Variants in CDH23 observed in about 807,000 individuals in gnomAD.
CDH23 encodes cadherin related 23.
CDH23 carries 189 observed loss-of-function variants against 317.1 expected under a neutral mutation model. That is an observed-to-expected ratio of 0.60 (90% confidence interval 0.53 to 0.67). The LOEUF is 0.67. Ranked by LOEUF, CDH23 falls within the 30% of genes least tolerant of loss-of-function variation. The pLI is 0.00. For synonymous variants in CDH23, 1,839 were observed against 1,876.8 expected (o/e 0.98, Z 0.52); for missense variants, 4,401 against 4,592.4 (o/e 0.96, Z 1.20).
rs547326048 is a variant in CDH23 at position 71,410,111 on chromosome 10, C to T, written c.-6+12793C>T. Reference sequence around the variant, plus strand: ...CTCATCTGTGTCTTGTTTTCTCTTCCGCAAAATGAGAATAATAGTACCCAA... The same window carrying T: ...CTCATCTGTGTCTTGTTTTCTCTTCTGCAAAATGAGAATAATAGTACCCAA... On this transcript the variant is annotated intron_variant, in intron 1 of 69. Transcript: ENST00000224721. 2.3e-4 allele frequency among the ~76,000 whole-genome samples: 35 copies of T among 152,224 alleles called. No individual in the cohort carries two copies. In the Middle Eastern group the frequency reaches 0.024, roughly 104 times the overall value.
At chr10:71,488,488 A>G (rs1852474797) in intron 3 of CDH23, among the ~76,000 whole-genome samples, 1 of 152,180 alleles carries the variant, frequency 6.6e-6, no homozygotes, top group Non-Finnish European at 1.5e-5. Context: ...CTGACTTGTC[A>G]ATCATTTCAT....
rs541520945 is a variant in CDH23, at chr10:71,745,411, G to C, written c.4845+3490G>C. On this transcript the variant is annotated intron_variant, in intron 38 of 69. Coordinates refer to ENST00000224721, the MANE Select transcript of CDH23 (RefSeq NM_022124.6). ...CCACAGGTGGTTTAGGCCCGGGGCT[G>C]CTTCCAAGGCCAAGGGCAGGACTCT... 2.0e-4 allele frequency among the ~76,000 whole-genome samples: 31 copies of C among 152,358 alleles called. No homozygotes were observed. The South Asian group carries it at 6.4e-3, about 32-fold the overall frequency.
intron 8 of CDH23, among the ~76,000 whole-genome samples, chr10:71,575,775 A>G (rs1858148011): frequency 6.6e-6 from 1 of 152,230 alleles, no homozygotes; most frequent in Non-Finnish European, 1.5e-5. Flanking sequence ...AAGTTTCAGT[A>G]TATTGAAAAT....
In CDH23 at chr10:71,510,109, A is replaced by G. The variant is rs61732490; in HGVS notation, c.173A>G (p.Gln58Arg). Residue 58 changes from glutamine to arginine, a missense_variant, in exon 4 of 70, where the codon CAA becomes CGA. This residue lies in a region of CDH23 where 3,068 missense variants were observed against 3,203.3 expected (regional missense o/e 0.96). Coordinates refer to ENST00000224721, the MANE Select transcript of CDH23 (RefSeq NM_022124.6). Reference sequence around the variant, plus strand: ...TCTTCTGTGACCCAGTTGCTGGCCCAAGACATGGACAATGACCCCCTGGTG... The same window carrying G: ...TCTTCTGTGACCCAGTTGCTGGCCCGAGACATGGACAATGACCCCCTGGTG... Reference protein sequence around the residue: ...VGSSVTQLLAQDMDNDPLVFG... With the variant: ...VGSSVTQLLARDMDNDPLVFG... 3.2e-3 allele frequency: 5,155 copies of G among 1,613,970 alleles called. 82 individuals carry two copies. The African/African-American group carries it at 0.042, about 13-fold the overall frequency.
Position 71,812,261 on chromosome 10 carries a change from A to G in CDH23, c.9381-219A>G, listed in dbSNP as rs762495184. ...ACTTTGGGCAGTGGGTGCAGGGTGA[A>G]GCCTCTGCACCAAAGGCAATCCAGA... On this transcript the variant is annotated intron_variant, in intron 66 of 69. Coordinates refer to ENST00000224721, the MANE Select transcript of CDH23 (RefSeq NM_022124.6). 1.3e-5 allele frequency: 20 copies of G among 1,599,162 alleles called. No homozygotes were observed. The East Asian group carries it at 4.2e-4, about 34-fold the overall frequency.
intron 6 of CDH23, among the ~76,000 whole-genome samples, chr10:71,521,668 C>G (rs1216387566): frequency 2.0e-5 from 3 of 152,216 alleles, no homozygotes; most frequent in Admixed American, 1.3e-4. Flanking sequence ...TCCTTTATCC[C>G]CATTCTACAG....
intron 7 of CDH23, among the ~76,000 whole-genome samples, chr10:71,569,531 A>T (rs183560817): frequency 6.6e-6 from 1 of 152,342 alleles, no homozygotes; most frequent in Admixed American, 6.5e-5. Context: ...CAGGGGGAAA[A>T]AGAACTCATT....
chr10:71,673,823 C>A (rs573291411), intron 14 of CDH23, among the ~76,000 whole-genome samples: 3 of 152,254 alleles, frequency 2.0e-5, no homozygotes, highest in African/African-American at 7.2e-5. Context: ...AGCCAGCAGT[C>A]GCTGCTGCCG....
At chr10:71,574,527 C>A (rs1233845922) in intron 8 of CDH23, among the ~76,000 whole-genome samples, 1 of 152,158 alleles carries the variant, frequency 6.6e-6, no homozygotes, top group South Asian at 2.1e-4. Context: ...CCCCCACCAG[C>A]CTGCTCCCCC....
chr10:71,655,656 T>C (rs1460967867), intron 14 of CDH23, among the ~76,000 whole-genome samples: 8 of 152,078 alleles, frequency 5.3e-5, no homozygotes, highest in Admixed American at 5.2e-4. Flanking sequence ...AGGTTCTCTC[T>C]GTCTCAGGGG....
At chr10:71,618,376 G>A (rs571681106) in intron 11 of CDH23, among the ~76,000 whole-genome samples, 6 of 152,236 alleles carry the variant, frequency 3.9e-5, no homozygotes, top group African/African-American at 1.2e-4. Context: ...GGGGCAGGGC[G>A]GCGAGGCCTC....
intron 3 of CDH23, among the ~76,000 whole-genome samples, chr10:71,461,915 G>GCT (rs59043926): frequency 0.4 from 60,887 of 151,798 alleles, 13,247 homozygotes; most frequent in East Asian, 0.59. Flanking sequence ...TGCTGTGGCT[G>GCT]GGCCACTTAG....
chr10:71,600,514 CT>C (rs538778849), intron 9 of CDH23, among the ~76,000 whole-genome samples: 5,037 of 125,210 alleles, frequency 0.04, 137 homozygotes, highest in East Asian at 0.16. Context: ...GACCGCAGAA[CT>C]TTTTTTTTTT....
intron 3 of CDH23, among the ~76,000 whole-genome samples, chr10:71,447,805 G>A (rs1251028584): frequency 1.3e-5 from 2 of 152,142 alleles, no homozygotes; most frequent in East Asian, 1.9e-4. Flanking sequence ...ATTTGTGGAC[G>A]ACTGGACTTG....
chr10:71,752,896 G>A, intron 38 of CDH23: 2 of 1,525,002 alleles, frequency 1.3e-6, no homozygotes, highest in Non-Finnish European at 1.8e-6. Flanking sequence ...AGCTAAACAG[G>A]GCCCCTACTG....
chr10:71,687,616 G>T, intron 18 of CDH23, 31 bp from the exon 19 acceptor site: 1 of 1,610,066 alleles, frequency 6.2e-7, no homozygotes, highest in Non-Finnish European at 8.5e-7. Context: ...CCTCCCTGCA[G>T]CCTCCTGCAA....
At chr10:71,424,501 G>A (rs73281859) in intron 1 of CDH23, among the ~76,000 whole-genome samples, 1,727 of 152,334 alleles carry the variant, frequency 0.011, 31 homozygotes, top group African/African-American at 0.039. Context: ...GTTAGAGAGC[G>A]TGTGCCTTGC....
intron 11 of CDH23, among the ~76,000 whole-genome samples, chr10:71,621,647 TG>T (rs1454845034): frequency 5.9e-5 from 9 of 152,174 alleles, no homozygotes; most frequent in Non-Finnish European, 1.3e-4. Context: ...AGGGAGCTGA[TG>T]CAAAACAGAA....
At chr10:71,697,197 T>TC (rs1383439504) in intron 22 of CDH23, among the ~76,000 whole-genome samples, 2 of 152,072 alleles carry the variant, frequency 1.3e-5, no homozygotes, top group Admixed American at 6.5e-5. Flanking sequence ...CAAGCTTTGG[T>TC]CCCCCCGCCC....
Sources: allele counts gnomAD v4.1 joint callset (sites outside exome capture counted in the v4.1 genomes callset), GRCh38; gene constraint gnomAD v4.1.1; regional missense constraint gnomAD v4.1.1; transcripts MANE v1.5; gene names NCBI Gene and HGNC (gene_info 2026-07-23, HGNC 2026-07-21).